ZNF722: variants seen among roughly 807,000 people sequenced by gnomAD.
ZNF722 encodes the protein zinc finger protein 479 pseudogene.
the ZNF722 span, chr7:63,998,903 T>C: frequency 6.7e-7 from 1 of 1,485,096 alleles, no homozygotes; most frequent in Non-Finnish European, 9.2e-7. Flanking sequence ...GGCTCTGCAT[T>C]CTCTGCTCCT....
At chr7:64,003,451 T>A in the ZNF722 span, among the ~76,000 whole-genome samples, 1 of 152,154 alleles carries the variant, frequency 6.6e-6, no homozygotes, top group South Asian at 2.1e-4. Flanking sequence ...CAGAGCATCT[T>A]ATCTGAAAAT....
the ZNF722 span, among the ~76,000 whole-genome samples, chr7:64,002,584 G>T: frequency 5.9e-5 from 9 of 152,202 alleles, no homozygotes; most frequent in East Asian, 1.9e-4. Context: ...AACATAAGAA[G>T]AAATAAAAAT....
chr7:64,011,387 C>A, the ZNF722 span, among the ~76,000 whole-genome samples: 2 of 152,072 alleles, frequency 1.3e-5, no homozygotes, highest in Non-Finnish European at 2.9e-5. Context: ...TGGCTGGTAC[C>A]GGTTGTTCCT....
the ZNF722 span, among the ~76,000 whole-genome samples, chr7:64,012,449 T>A: frequency 6.6e-6 from 1 of 152,164 alleles, no homozygotes; most frequent in African/African-American, 2.4e-5. Flanking sequence ...GACCTACAGA[T>A]GGGGTTTTGG....
At chr7:64,000,468 T>TTTTTTA in the ZNF722 span, among the ~76,000 whole-genome samples, 1 of 127,942 alleles carries the variant, frequency 7.8e-6, no homozygotes, top group African/African-American at 3.2e-5. Context: ...TTTTTTTTTT[T>TTTTTTA]GAGAGGGAGT....
the ZNF722 span, among the ~76,000 whole-genome samples, chr7:64,006,987 A>G: frequency 4.6e-5 from 7 of 151,630 alleles, no homozygotes; most frequent in Non-Finnish European, 1.0e-4. Flanking sequence ...TTCATTTTTA[A>G]TTATTTGAAG....
At chr7:64,006,238 A>G in the ZNF722 span, 1 of 1,294,714 alleles carries the variant, frequency 7.7e-7, no homozygotes, top group Non-Finnish European at 1.1e-6. Flanking sequence ...TGCTGACTCT[A>G]AGCCAGACTT....
chr7:64,012,626 T>G, the ZNF722 span, among the ~76,000 whole-genome samples: 1 of 152,140 alleles, frequency 6.6e-6, no homozygotes, highest in Non-Finnish European at 1.5e-5. Context: ...CTTTTGAAAT[T>G]TACTAAGACT....
chr7:64,017,051 C>A, the ZNF722 span, among the ~76,000 whole-genome samples: 1 of 152,148 alleles, frequency 6.6e-6, no homozygotes, highest in Non-Finnish European at 1.5e-5. Context: ...CCATTACTAT[C>A]AGCTCACATT....
the ZNF722 span, chr7:64,015,254 C>G: frequency 1.7e-6 from 2 of 1,203,840 alleles, no homozygotes; most frequent in Non-Finnish European, 1.2e-6. Flanking sequence ...ATAAGTGTGT[C>G]ATAGTCTTTG....
chr7:63,999,820 C>G, the ZNF722 span, among the ~76,000 whole-genome samples: 1 of 151,748 alleles, frequency 6.6e-6, no homozygotes, highest in African/African-American at 2.4e-5. Context: ...ACCTCAGGCT[C>G]CCGAGTAGCT....
chr7:64,007,589 G>A, the ZNF722 span, among the ~76,000 whole-genome samples: 1 of 152,100 alleles, frequency 6.6e-6, no homozygotes, highest in Admixed American at 6.5e-5. Flanking sequence ...TTTTATGGCT[G>A]CATAGTATTC....
chr7:64,002,954 T>C, the ZNF722 span, among the ~76,000 whole-genome samples: 3 of 152,220 alleles, frequency 2.0e-5, no homozygotes, highest in African/African-American at 4.8e-5. Context: ...ATGCTAATAA[T>C]GTGTCTGGGA....
the ZNF722 span, among the ~76,000 whole-genome samples, chr7:64,004,239 G>GAA: frequency 7.4e-6 from 1 of 136,030 alleles, no homozygotes; most frequent in African/African-American, 2.7e-5. Context: ...CGTCTCTACG[G>GAA]AAAAAAAAAA....
At chr7:64,012,571 G>T in the ZNF722 span, among the ~76,000 whole-genome samples, 3 of 152,076 alleles carry the variant, frequency 2.0e-5, no homozygotes, top group Non-Finnish European at 4.4e-5. Flanking sequence ...CCTTGGCCTC[G>T]CAAAGTGCTG....
chr7:64,006,155 C>A, the ZNF722 span: 7 of 846,356 alleles, frequency 8.3e-6, no homozygotes, highest in Non-Finnish European at 1.0e-5. Flanking sequence ...TCTTTACTAA[C>A]CATAATACTA....
At chr7:64,009,851 G>A in the ZNF722 span, among the ~76,000 whole-genome samples, 17 of 152,098 alleles carry the variant, frequency 1.1e-4, no homozygotes, top group Admixed American at 3.9e-4. Flanking sequence ...GGTAGAATTC[G>A]GCTGTGAATC....
the ZNF722 span, among the ~76,000 whole-genome samples, chr7:64,003,120 C>A: frequency 6.6e-6 from 1 of 152,156 alleles, no homozygotes; most frequent in Admixed American, 6.6e-5. Flanking sequence ...TTTAGTTCAA[C>A]CTTTGCATCA....
the ZNF722 span, chr7:64,006,344 T>G: frequency 8.0e-7 from 1 of 1,247,696 alleles, no homozygotes; most frequent in Non-Finnish European, 1.1e-6. Flanking sequence ...ATGAAGCAGA[T>G]GACACAGATG....
Sources: gnomAD v4.1 joint callset for allele counts (sites outside exome capture counted in the v4.1 genomes callset) on GRCh38, gnomAD v4.1.1 for gene constraint, MANE v1.5 for transcripts, NCBI Gene and HGNC (gene_info 2026-07-23, HGNC 2026-07-21) for gene names.